GNAO1: variants seen among roughly 807,000 people sequenced by gnomAD.
GNAO1 encodes guanine nucleotide-binding protein G(o) subunit alpha.
For synonymous variants in GNAO1, 164 were observed against 180.7 expected (o/e 0.91, Z 0.74); for missense variants, 166 against 478.7 (o/e 0.35, Z 6.10).
chr16:56,302,702 A>C (rs1308163861), intron 3 of GNAO1: 2 of 152,234 alleles, frequency 1.3e-5, no homozygotes, highest in Non-Finnish European at 2.9e-5. Context: ...CTCTTCTCAG[A>C]AGGTGCTTTG....
chr16:56,256,411 T>TA (rs1412215493), intron 2 of GNAO1, among the ~76,000 whole-genome samples: 1 of 151,248 alleles, frequency 6.6e-6, no homozygotes, highest in East Asian at 1.9e-4. Flanking sequence ...TGGTCTTCCT[T>TA]GGCCAAGTTC....
chr16:56,268,138 C>T (rs1269216121), intron 2 of GNAO1, among the ~76,000 whole-genome samples: 1 of 152,182 alleles, frequency 6.6e-6, no homozygotes, highest in East Asian at 1.9e-4. Flanking sequence ...TCTTCCTCTC[C>T]ATATCACAGT....
chr16:56,328,550 CG>C, intron 3 of GNAO1, 80 bp from the exon 4 acceptor site: 1 of 1,449,768 alleles, frequency 6.9e-7, no homozygotes, highest in South Asian at 1.2e-5. Flanking sequence ...TCACAGTCCC[CG>C]CTAGGGGAGA....
At chr16:56,257,340 C>T (rs1436046170) in intron 2 of GNAO1, among the ~76,000 whole-genome samples, 2 of 152,212 alleles carry the variant, frequency 1.3e-5, no homozygotes, top group African/African-American at 4.8e-5. Flanking sequence ...CAGAAGGTGC[C>T]TTTCCTACTT....
intron 2 of GNAO1, among the ~76,000 whole-genome samples, chr16:56,269,684 C>G (rs2036995854): frequency 6.6e-6 from 1 of 152,106 alleles, no homozygotes; most frequent in Non-Finnish European, 1.5e-5. Context: ...AGGGCAGGAG[C>G]CAGGGCGCTG....
intron 2 of GNAO1, among the ~76,000 whole-genome samples, chr16:56,213,608 A>G (rs1295324387): frequency 6.6e-6 from 1 of 152,182 alleles, no homozygotes; most frequent in Admixed American, 6.5e-5. Flanking sequence ...CTGAGATTAC[A>G]GGTGCACACC....
At chr16:56,281,387 C>A (rs2037112554) in intron 3 of GNAO1, among the ~76,000 whole-genome samples, 1 of 152,162 alleles carries the variant, frequency 6.6e-6, no homozygotes, top group Admixed American at 6.5e-5. Context: ...AGCTGCCTTA[C>A]CCCCCTGGGT....
intron 3 of GNAO1, among the ~76,000 whole-genome samples, chr16:56,297,400 TG>T (rs1333812109): frequency 6.6e-6 from 1 of 151,954 alleles, no homozygotes; most frequent in Non-Finnish European, 1.5e-5. Context: ...ATCACACAGC[TG>T]GGAGTACAGA....
At chr16:56,249,983 G>A (rs1429930996) in intron 2 of GNAO1, among the ~76,000 whole-genome samples, 2 of 152,198 alleles carry the variant, frequency 1.3e-5, no homozygotes, top group African/African-American at 4.8e-5. Flanking sequence ...AGGGACACCA[G>A]GACACAGCTC....
In GNAO1 at chr16:56,357,271, T is replaced by TA. The variant is rs540514958; in HGVS notation, c.*1208dup. 1,010 of 127,064 alleles carry TA rather than the reference T, an allele frequency of 7.9e-3. 20 individuals carry two copies. Among genetic ancestry groups the TA allele is most frequent in the South Asian group, 0.079 (315 of 4,000 alleles). The allele number at this position is 127,064 out of a possible 1,614,324, so 7.9% of individuals were successfully genotyped here. ...CAAAAAGACAAAACACACAAAAAAT[T>TA]AAAAAAAAAAACTTAAAAAAAAAAG... On this transcript the variant is annotated 3_prime_UTR_variant, in exon 9 of 9. Transcript: ENST00000262493.
intron 3 of GNAO1, among the ~76,000 whole-genome samples, chr16:56,285,976 A>G (rs1302446395): frequency 6.6e-6 from 1 of 152,168 alleles, no homozygotes; most frequent in African/African-American, 2.4e-5. Context: ...GAAACCAGGA[A>G]GGTAGATTTT....
At chr16:56,259,022 C>T (rs1197409593) in intron 2 of GNAO1, among the ~76,000 whole-genome samples, 1 of 152,156 alleles carries the variant, frequency 6.6e-6, no homozygotes, top group East Asian at 1.9e-4. Flanking sequence ...CTTTAGATGG[C>T]GTATACATTC....
At chr16:56,271,737 G>A (rs1256233357) in intron 2 of GNAO1, among the ~76,000 whole-genome samples, 10 of 152,188 alleles carry the variant, frequency 6.6e-5, no homozygotes, top group Admixed American at 5.2e-4. Flanking sequence ...ACAGGCATGA[G>A]CCACTGCGTC....
intron 6 of GNAO1, among the ~76,000 whole-genome samples, chr16:56,349,807 C>T (rs557466536): frequency 1.3e-5 from 2 of 152,226 alleles, no homozygotes; most frequent in East Asian, 1.9e-4. Context: ...TGGGGCTGGC[C>T]GCCTCTACAG....
intron 3 of GNAO1, among the ~76,000 whole-genome samples, chr16:56,291,696 G>T (rs2037233695): frequency 1.3e-5 from 2 of 152,052 alleles, no homozygotes; most frequent in Admixed American, 1.3e-4. Context: ...CCTTAGAATG[G>T]GTAATTTAGA....
rs773562754 is a variant in GNAO1, at chr16:56,195,093, TC to T, written c.161+2479del. Among the ~76,000 whole-genome samples the T allele has an allele frequency of 5.9e-3, 171 of 28,794 alleles. 1 individual carries two copies. The highest frequency in any genetic ancestry group is 0.026 in the African/African-American group (151 of 5,812). 18.9% of individuals were successfully genotyped at this position (28,794 alleles called of 152,430 possible). A position where few individuals can be genotyped will look rare whatever the true frequency, so the allele number is the denominator to read the frequency against. ...CTTCTCCTTTTTTTTTTTTTTTTTT[TC>T]CAACCTTACAGGACACCTTTTTCAA... On this transcript the variant is annotated intron_variant, in intron 2 of 8. Transcript: ENST00000262493.
At chr16:56,222,207 T>C (rs1274611282) in intron 2 of GNAO1, among the ~76,000 whole-genome samples, 1 of 152,038 alleles carries the variant, frequency 6.6e-6, no homozygotes, top group African/African-American at 2.4e-5. Flanking sequence ...GGGAGCCTTA[T>C]TAAGAACAGA....
intron 3 of GNAO1, among the ~76,000 whole-genome samples, chr16:56,309,948 A>G (rs1427744767): frequency 1.3e-5 from 2 of 152,266 alleles, no homozygotes; most frequent in African/African-American, 2.4e-5. Flanking sequence ...TATTAAATAC[A>G]TCCTTTCCCA....
intron 3 of GNAO1, among the ~76,000 whole-genome samples, chr16:56,279,066 T>G (rs2037090652): frequency 6.6e-6 from 1 of 151,904 alleles, no homozygotes; most frequent in African/African-American, 2.4e-5. Flanking sequence ...TTTTTTCACC[T>G]CTGCCACCCA....
Sources: gnomAD v4.1 joint callset for allele counts (sites outside exome capture counted in the v4.1 genomes callset) on GRCh38, gnomAD v4.1.1 for gene constraint, MANE v1.5 for transcripts, NCBI Gene and HGNC (gene_info 2026-07-23, HGNC 2026-07-21) for gene names.